Variants in MALRD1 observed in about 807,000 individuals in gnomAD.
MALRD1 encodes the protein MAM and LDL-receptor class A domain-containing protein 1.
MALRD1 carries 247 observed loss-of-function variants against 242.1 expected under a neutral mutation model. That is an observed-to-expected ratio of 1.02 (90% confidence interval 0.92 to 1.13). The LOEUF is 1.13. Among genes scored for constraint, MALRD1 ranks in the 50% most tolerant of loss-of-function variants. The pLI, the probability that MALRD1 is intolerant of heterozygous loss-of-function variation, is 0.00. For synonymous variants in MALRD1, 995 were observed against 866.6 expected (o/e 1.15, Z -2.60); for missense variants, 2,989 against 2,533.1 (o/e 1.18, Z -3.86).
At chr10:19,138,948 C>T (rs1833448476) in intron 10 of MALRD1, among the ~76,000 whole-genome samples, 1 of 152,054 alleles carries the variant, frequency 6.6e-6, no homozygotes, top group South Asian at 2.1e-4. Flanking sequence ...TTGTGTTTCT[C>T]AACAAAAACA....
At chr10:19,241,257 A>G (rs1046130542) in intron 18 of MALRD1, among the ~76,000 whole-genome samples, 1 of 152,126 alleles carries the variant, frequency 6.6e-6, no homozygotes, top group Non-Finnish European at 1.5e-5. Flanking sequence ...TTCCAAACTC[A>G]TTATTGATGT....
intron 36 of MALRD1, among the ~76,000 whole-genome samples, chr10:19,646,198 C>CATGTA (rs757462318): frequency 7.6e-4 from 115 of 152,116 alleles, no homozygotes; most frequent in Non-Finnish European, 1.4e-3. Context: ...AGAGTGTTGG[C>CATGTA]ATGTAGGGGC....
At chr10:19,194,847 T>C (rs1836162898) in intron 14 of MALRD1, among the ~76,000 whole-genome samples, 1 of 152,196 alleles carries the variant, frequency 6.6e-6, no homozygotes, top group African/African-American at 2.4e-5. Context: ...CCTTATATTG[T>C]TACATCTAAA....
chr10:19,697,435 A>G (rs888718186), intron 38 of MALRD1, among the ~76,000 whole-genome samples: 1 of 151,884 alleles, frequency 6.6e-6, no homozygotes, highest in Non-Finnish European at 1.5e-5. Flanking sequence ...ATTAAAGTCA[A>G]CTGATTATAA....
intron 21 of MALRD1, among the ~76,000 whole-genome samples, chr10:19,292,486 C>T (rs1448045180): frequency 3.3e-5 from 5 of 152,096 alleles, no homozygotes; most frequent in African/African-American, 1.2e-4. Flanking sequence ...AAACACTGAT[C>T]GTTATCTTTC....
chr10:19,378,073 T>C (rs1845683938), intron 26 of MALRD1, among the ~76,000 whole-genome samples: 1 of 152,136 alleles, frequency 6.6e-6, no homozygotes, highest in Non-Finnish European at 1.5e-5. Context: ...TTAGAAACAT[T>C]ATGCATTTAG....
chr10:19,124,506 T>C lies in MALRD1; in HGVS notation c.797-18T>C, dbSNP rs1837182123. ...CTAGCAGACTAATAGTCCACCAAGA[T>C]CTTTTTCTCCCGTTTAGTGTGTCAG... On this transcript the variant is annotated intron_variant, in intron 6 of 39. Transcript: ENST00000454679. The C allele has an allele frequency of 8.1e-7, 1 of 1,233,534 alleles. No individual in the cohort carries two copies. Among genetic ancestry groups the C allele is most frequent in the Admixed American group, 4.2e-5 (1 of 23,682 alleles). 76.4% of individuals were successfully genotyped at this position (1,233,534 alleles called of 1,614,324 possible). A position where few individuals can be genotyped will look rare whatever the true frequency, so the allele number is the denominator to read the frequency against.
intron 1 of MALRD1, among the ~76,000 whole-genome samples, chr10:19,053,308 C>G (rs1834563785): frequency 6.6e-6 from 1 of 152,154 alleles, no homozygotes; most frequent in Admixed American, 6.5e-5. Flanking sequence ...TTAAACAGGG[C>G]TTTCATTTGC....
intron 34 of MALRD1, 72 bp downstream of exon 34, chr10:19,595,529 G>C: frequency 6.9e-7 from 1 of 1,454,394 alleles, no homozygotes; most frequent in East Asian, 2.5e-5. Flanking sequence ...AAGCTCGACA[G>C]ATAAAATGAA....
intron 18 of MALRD1, among the ~76,000 whole-genome samples, chr10:19,219,972 T>C (rs1462701985): frequency 6.6e-6 from 1 of 152,200 alleles, no homozygotes; most frequent in Admixed American, 6.5e-5. Context: ...TTATCATAGA[T>C]GGTCCTTGGA....
At chr10:19,656,362 T>A (rs947082069) in intron 36 of MALRD1, among the ~76,000 whole-genome samples, 1 of 152,166 alleles carries the variant, frequency 6.6e-6, no homozygotes, top group African/African-American at 2.4e-5. Flanking sequence ...GCCTATATAT[T>A]CCTCTTATAA....
rs551781264 is a variant in MALRD1, at chr10:19,552,689, A to C, written c.5479-14813A>C. Among the ~76,000 whole-genome samples the C allele has an allele frequency of 4.0e-5, 6 of 151,810 alleles. No homozygotes were observed. In the South Asian group the frequency reaches 1.3e-3, roughly 32 times the overall value. Reference sequence around the variant, plus strand: ...TTTTATATAAGTTGATGAATTGATTATCGTAGAAATATTTTTTAATTTCAA... The same window carrying C: ...TTTTATATAAGTTGATGAATTGATTCTCGTAGAAATATTTTTTAATTTCAA... On this transcript the variant is annotated intron_variant, in intron 32 of 39. Transcript: ENST00000454679.
chr10:19,709,340 C>T (rs1398003924), intron 38 of MALRD1, among the ~76,000 whole-genome samples: 1 of 151,850 alleles, frequency 6.6e-6, no homozygotes, highest in East Asian at 1.9e-4. Flanking sequence ...TCGCTTGAAC[C>T]CAGGAGGCAA....
chr10:19,163,137 T>TGAAAAAAAAAAAA (rs1491309752), intron 12 of MALRD1, among the ~76,000 whole-genome samples: 1 of 43,856 alleles, frequency 2.3e-5, no homozygotes, highest in Non-Finnish European at 4.1e-5. Flanking sequence ...AAACCCTGTC[T>TGAAAAAAAAAAAA]AAAAAAAAAA....
Position 19,320,041 on chromosome 10 carries a change from C to CTT in MALRD1, c.3420-3887_3420-3886dup, listed in dbSNP as rs34481531. Among the ~76,000 whole-genome samples, 646 of 73,034 alleles carry CTT rather than the reference C, an allele frequency of 8.8e-3. 8 individuals carry two copies. Among genetic ancestry groups the CTT allele is most frequent in the Non-Finnish European group, 0.01 (428 of 41,780 alleles). The allele number at this position is 73,034 out of a possible 152,430, so 47.9% of individuals were successfully genotyped here. A position where few individuals can be genotyped will look rare whatever the true frequency, so the allele number is the denominator to read the frequency against. ...TGCTAACCTGAGTTTTATAAAACTG[C>CTT]TTTTTTTTTTTTTTTTTTTTTTCAA... On this transcript the variant is annotated intron_variant, in intron 21 of 39. Coordinates refer to ENST00000454679, the MANE Select transcript of MALRD1 (RefSeq NM_001142308.3).
intron 36 of MALRD1, among the ~76,000 whole-genome samples, chr10:19,657,585 A>C (rs143170619): frequency 6.6e-6 from 1 of 152,122 alleles, no homozygotes; most frequent in Non-Finnish European, 1.5e-5. Context: ...AATATTAGGC[A>C]TATATATAAT....
intron 2 of MALRD1, among the ~76,000 whole-genome samples, chr10:19,070,821 G>T (rs958954605): frequency 2.2e-5 from 3 of 136,864 alleles, no homozygotes; most frequent in Non-Finnish European, 3.1e-5. Context: ...AAGTTGCATA[G>T]ACTCAAATGA....
chr10:19,226,527 T>C lies in MALRD1; in HGVS notation c.2991+16847T>C, dbSNP rs550090982. Among the ~76,000 whole-genome samples, 9 of 152,208 alleles carry C rather than the reference T, an allele frequency of 5.9e-5. No individual in the cohort carries two copies. The South Asian group carries it at 1.0e-3, about 18-fold the overall frequency. Reference sequence around the variant, plus strand: ...TGATAAGTGTTTAATACTTATGAGATGATAATTCTCCTGATATTGATCTCT... The same window carrying C: ...TGATAAGTGTTTAATACTTATGAGACGATAATTCTCCTGATATTGATCTCT... On this transcript the variant is annotated intron_variant, in intron 18 of 39. Coordinates refer to ENST00000454679, the MANE Select transcript of MALRD1 (RefSeq NM_001142308.3).
intron 33 of MALRD1, among the ~76,000 whole-genome samples, chr10:19,577,780 A>G (rs915569579): frequency 6.6e-6 from 1 of 152,060 alleles, no homozygotes; most frequent in African/African-American, 2.4e-5. Context: ...AAAACATAAC[A>G]TGGTAACTTA....
Sources: allele counts gnomAD v4.1 joint callset (sites outside exome capture counted in the v4.1 genomes callset), GRCh38; gene constraint gnomAD v4.1.1; transcripts MANE v1.5; gene names NCBI Gene and HGNC (gene_info 2026-07-23, HGNC 2026-07-21).